PDE10A: variants seen among roughly 807,000 people sequenced by gnomAD.
PDE10A encodes phosphodiesterase 10A.
In PDE10A, 39 loss-of-function variants were observed where a neutral mutation model predicts 97.7. That is an observed-to-expected ratio of 0.40 (90% CI 0.31 to 0.52). The LOEUF (loss-of-function observed/expected upper bound fraction) is 0.52, where lower values mean the gene tolerates loss of function less well. Ranked by LOEUF, PDE10A falls within the 20% of genes least tolerant of loss-of-function variation. The pLI is 0.56. For synonymous variants in PDE10A, 371 were observed against 376.8 expected, an observed-to-expected ratio of 0.98 and a Z score of 0.18; for missense variants, 731 against 1,047.8, an observed-to-expected ratio of 0.70 and a Z score of 4.17.
intron 1 of PDE10A, chr6:165,986,052 ACGT>A (rs1583400700): frequency 6.6e-6 from 1 of 152,640 alleles, no homozygotes; most frequent in Non-Finnish European, 1.5e-5. Context: ...CAACTCCCAA[ACGT>A]CTTCCTGCAT....
intron 1 of PDE10A, among the ~76,000 whole-genome samples, chr6:165,731,199 G>T (rs573189739): frequency 1.3e-5 from 2 of 152,328 alleles, no homozygotes; most frequent in African/African-American, 4.8e-5. Flanking sequence ...GGCTCCTGGA[G>T]ACTCGATAGA....
intron 2 of PDE10A, among the ~76,000 whole-genome samples, chr6:165,520,184 A>T (rs1435587066): frequency 6.6e-6 from 1 of 152,204 alleles, no homozygotes; most frequent in East Asian, 1.9e-4. Context: ...TTCTTGACTT[A>T]TATAGAGTTC....
At chr6:165,855,558 C>A (rs1219200640) in intron 1 of PDE10A, among the ~76,000 whole-genome samples, 1 of 150,652 alleles carries the variant, frequency 6.6e-6, no homozygotes, top group African/African-American at 2.4e-5. Flanking sequence ...GAGCACAGTT[C>A]CACCCAAGGT....
intron 1 of PDE10A, among the ~76,000 whole-genome samples, chr6:165,705,595 G>C (rs1003615515): frequency 6.6e-6 from 1 of 152,180 alleles, no homozygotes; most frequent in Non-Finnish European, 1.5e-5. Flanking sequence ...CAGAATTGTG[G>C]TATGTCAAAT....
chr6:165,984,052 A>G (rs745924439), intron 1 of PDE10A, among the ~76,000 whole-genome samples: 1 of 152,244 alleles, frequency 6.6e-6, no homozygotes. Context: ...ATGGTAGTGG[A>G]GTGTTCACCC....
At chr6:165,726,939 C>T (rs866965660) in intron 1 of PDE10A, among the ~76,000 whole-genome samples, 3 of 152,196 alleles carry the variant, frequency 2.0e-5, no homozygotes, top group Admixed American at 6.5e-5. Context: ...AAACAGAAAA[C>T]AGCATAAAGG....
At chr6:165,599,491 A>C (rs139368089) in intron 1 of PDE10A, among the ~76,000 whole-genome samples, 138 of 152,232 alleles carry the variant, frequency 9.1e-4, no homozygotes, top group Middle Eastern at 3.4e-3. Context: ...TCTTGGAGTA[A>C]TGAAAAGTCA....
intron 2 of PDE10A, among the ~76,000 whole-genome samples, chr6:165,535,015 G>A (rs484720): frequency 0.57 from 86,827 of 151,858 alleles, 29,482 homozygotes; most frequent in Non-Finnish European, 0.73. Flanking sequence ...CTGGTTTTCA[G>A]ATGACACGAT....
intron 1 of PDE10A, among the ~76,000 whole-genome samples, chr6:165,934,243 G>A (rs375336212): frequency 2.8e-4 from 40 of 145,316 alleles, no homozygotes; most frequent in Middle Eastern, 7.7e-3. Flanking sequence ...CAAGTGATCC[G>A]CCAATCTTGG....
intron 1 of PDE10A, among the ~76,000 whole-genome samples, chr6:165,947,512 C>T (rs552161999): frequency 5.1e-4 from 78 of 152,142 alleles, no homozygotes; most frequent in Admixed American, 2.2e-3. Flanking sequence ...AGCTTTCTCT[C>T]ACCAACTCAG....
At position 165,678,328 on chromosome 6, in the gene PDE10A, C is replaced by CT. The variant is rs1790883215; in HGVS notation, c.-614-134761dup. Reference sequence around the variant, plus strand: ...GTGTGCATGTGTGTGCATATCTTTCCTTCTGTTTGTTTCTCAGGATAACCC... The same window carrying CT: ...GTGTGCATGTGTGTGCATATCTTTCCTTTCTGTTTGTTTCTCAGGATAACCC... On this transcript the variant is annotated intron_variant, in intron 1 of 19. Transcript: ENST00000366882. 3.0e-5 allele frequency among the ~76,000 whole-genome samples: 3 copies of CT among 100,604 alleles called. No individual in the cohort carries two copies. In the East Asian group the frequency reaches 1.0e-3, roughly 33 times the overall value. 66.0% of individuals were successfully genotyped at this position (100,604 alleles called of 152,430 possible). A position where few individuals can be genotyped will look rare whatever the true frequency, so the allele number is the denominator to read the frequency against.
At chr6:165,721,221 C>A (rs1250723808) in intron 1 of PDE10A, among the ~76,000 whole-genome samples, 1 of 152,154 alleles carries the variant, frequency 6.6e-6, no homozygotes, top group Non-Finnish European at 1.5e-5. Flanking sequence ...CTTGACCTGG[C>A]TGAGAGCAAC....
intron 1 of PDE10A, among the ~76,000 whole-genome samples, chr6:165,875,378 G>A (rs1215974853): frequency 1.3e-5 from 2 of 152,184 alleles, no homozygotes; most frequent in Non-Finnish European, 2.9e-5. Context: ...AGTTCTGCTA[G>A]ACCAACCCTT....
At chr6:165,580,439 G>T (rs1241419730) in intron 1 of PDE10A, among the ~76,000 whole-genome samples, 1 of 152,062 alleles carries the variant, frequency 6.6e-6, no homozygotes, top group African/African-American at 2.4e-5. Flanking sequence ...AAATGAGGCT[G>T]GTTTTTGTCA....
Position 165,418,119 on chromosome 6 carries a change from CAA to C in PDE10A, c.1796+514_1796+515del, listed in dbSNP as rs1282077335. On this transcript the variant is annotated intron_variant, in intron 11 of 21. Transcript: ENST00000539869. This position sits in a 1 kb window ranked among gnomAD's most constrained non-coding sequence, Gnocchi z 4.8. The stretch of plus-strand genomic sequence containing the variant: ...TGACAACGGCTGCCACTTAAAAAAA[CAA>C]AGACTTCAGTTTCAAGATGCAACAC... 6.6e-6 allele frequency among the ~76,000 whole-genome samples: 1 copy of C among 152,132 alleles called. No homozygotes were observed. Among genetic ancestry groups the C allele is most frequent in the Non-Finnish European group, 1.5e-5 (1 of 68,016 alleles).
At chr6:165,367,385 G>C (rs1305148238) in intron 18 of PDE10A, among the ~76,000 whole-genome samples, 1 of 151,958 alleles carries the variant, frequency 6.6e-6, no homozygotes, top group Non-Finnish European at 1.5e-5. Context: ...ACCATTACCA[G>C]TGAAAAACCA....
At chr6:165,938,086 A>T (rs1055240647) in intron 1 of PDE10A, among the ~76,000 whole-genome samples, 2 of 152,236 alleles carry the variant, frequency 1.3e-5, no homozygotes, top group Admixed American at 6.5e-5. Context: ...AGGTCTAAAT[A>T]TATTGCATTT....
exon 1 of PDE10A, chr6:165,987,662 T>G: frequency 2.2e-6 from 1 of 456,602 alleles, no homozygotes; most frequent in Non-Finnish European, 4.4e-6. Context: ...CAGGGTTCCA[T>G]GGAGAACTGC....
intron 13 of PDE10A, among the ~76,000 whole-genome samples, chr6:165,398,177 A>C (rs1391818423): frequency 1.3e-5 from 2 of 152,162 alleles, no homozygotes; most frequent in Admixed American, 6.6e-5. Flanking sequence ...TTTGAGAAAC[A>C]TATTCCTTAA....
Sources: gnomAD v4.1 joint callset for allele counts (sites outside exome capture counted in the v4.1 genomes callset) on GRCh38, gnomAD v4.1.1 for gene constraint, Gnocchi (gnomAD v3.1) non-coding constraint, MANE v1.5 for transcripts, NCBI Gene and HGNC (gene_info 2026-07-23, HGNC 2026-07-21) for gene names.